The following EXT1 variants were observed in gnomAD, a reference collection of about 807,000 sequenced individuals.
The protein encoded by EXT1 is exostosin glycosyltransferase 1.
EXT1 carries 20 observed loss-of-function variants against 82.5 expected under a neutral mutation model. The observed-to-expected ratio is 0.24, with a 90% confidence interval of 0.17 to 0.35. EXT1 has a LOEUF of 0.35. Ranked by LOEUF, EXT1 falls within the 10% of genes least tolerant of loss-of-function variation. The pLI is 1.00. For missense variants in EXT1, 757 were observed against 936.5 expected, an observed-to-expected ratio of 0.81 and a Z score of 2.50; for synonymous variants, 348 against 350.8, an observed-to-expected ratio of 0.99 and a Z score of 0.09.
intron 1 of EXT1, among the ~76,000 whole-genome samples, chr8:117,863,160 C>T (rs987600319): frequency 6.9e-6 from 1 of 145,578 alleles, no homozygotes; most frequent in Non-Finnish European, 1.5e-5. Context: ...CTTATATAAC[C>T]TTCACTTATT....
chr8:117,868,830 A>T (rs1812818595), intron 1 of EXT1, among the ~76,000 whole-genome samples: 1 of 152,106 alleles, frequency 6.6e-6, no homozygotes, highest in Non-Finnish European at 1.5e-5. Flanking sequence ...TTACTATGAA[A>T]ATATGTCACG....
At chr8:117,847,725 C>A (rs10111990) in intron 1 of EXT1, among the ~76,000 whole-genome samples, 14,204 of 152,190 alleles carry the variant, frequency 0.093, 920 homozygotes, top group African/African-American at 0.18. Flanking sequence ...ATATCCTTTC[C>A]AGCAAGGCCA....
At chr8:117,839,760 A>G (rs1172305842) in intron 1 of EXT1, among the ~76,000 whole-genome samples, 1 of 152,238 alleles carries the variant, frequency 6.6e-6, no homozygotes, top group Non-Finnish European at 1.5e-5. Flanking sequence ...GCTCTTTCAC[A>G]CTGCACATCA....
chr8:117,870,099 T>TA (rs1029620600), intron 1 of EXT1, among the ~76,000 whole-genome samples: 21 of 150,234 alleles, frequency 1.4e-4, no homozygotes, highest in African/African-American at 4.1e-4. Context: ...CTCCTTACTT[T>TA]AAAAAAAAAA....
In EXT1 at chr8:118,111,341, A is replaced by C; in HGVS notation, c.-295T>G. 1.7e-6 allele frequency: 1 copy of C among 595,624 alleles called. No homozygotes were observed. The highest frequency in any genetic ancestry group is 3.0e-6 in the Non-Finnish European group (1 of 335,672). 36.9% of individuals were successfully genotyped at this position (595,624 alleles called of 1,614,324 possible). On this transcript the variant is annotated 5_prime_UTR_variant, in exon 1 of 11. An upstream start codon of the reference 5' UTR is lost. Transcript: ENST00000378204. ...GAGCAGCGGACTGTAATTTTCTTGC[A>C]TGCAACAAGACGGAGGAAAAGAAAG...
intron 1 of EXT1, among the ~76,000 whole-genome samples, chr8:118,014,321 T>C (rs1470259720): frequency 6.6e-6 from 1 of 152,236 alleles, no homozygotes; most frequent in South Asian, 2.1e-4. Flanking sequence ...GTCTGCAAAA[T>C]ATCCCCTTTA....
chr8:117,938,092 G>T (rs1814201838), intron 1 of EXT1, among the ~76,000 whole-genome samples: 2 of 152,174 alleles, frequency 1.3e-5, no homozygotes, highest in South Asian at 4.1e-4. Context: ...TTCCTCTACA[G>T]AGATCCAGAA....
chr8:117,844,359 C>A (rs867994717), intron 1 of EXT1, among the ~76,000 whole-genome samples: 1 of 151,610 alleles, frequency 6.6e-6, no homozygotes, highest in Non-Finnish European at 1.5e-5. Flanking sequence ...CACTTTGTTG[C>A]CCAGGCTGGT....
chr8:117,871,174 T>C (rs898381782), intron 1 of EXT1, among the ~76,000 whole-genome samples: 1 of 152,230 alleles, frequency 6.6e-6, no homozygotes, highest in Non-Finnish European at 1.5e-5. Context: ...TATTCTCCCA[T>C]GGTTTTCTGA....
intron 9 of EXT1, among the ~76,000 whole-genome samples, chr8:117,805,293 T>C (rs1823220505): frequency 6.6e-6 from 1 of 152,238 alleles, no homozygotes; most frequent in African/African-American, 2.4e-5. Flanking sequence ...ACATGATCTA[T>C]ATATTATAAA....
rs182453461 is a variant in EXT1 at position 118,007,864 on chromosome 8, A to G, written c.962+102221T>C. Among the ~76,000 whole-genome samples, 147 of 152,324 alleles carry G rather than the reference A, an allele frequency of 9.7e-4. 1 individual carries two copies. In the East Asian group the frequency reaches 0.014, roughly 15 times the overall value. Reference sequence around the variant, plus strand: ...TGACAGAGGACAATTTTGCCCTATAATTTCTAGAACATTACCCAAGGGACT... The same window carrying G: ...TGACAGAGGACAATTTTGCCCTATAGTTTCTAGAACATTACCCAAGGGACT... On this transcript the variant is annotated intron_variant, in intron 1 of 10. Coordinates refer to ENST00000378204, the MANE Select transcript of EXT1 (RefSeq NM_000127.3).
At chr8:117,871,699 G>A (rs762785214) in intron 1 of EXT1, among the ~76,000 whole-genome samples, 2 of 152,182 alleles carry the variant, frequency 1.3e-5, no homozygotes, top group Admixed American at 6.5e-5. Flanking sequence ...GTGTGCTTCA[G>A]TAAGGTACTG....
intron 1 of EXT1, among the ~76,000 whole-genome samples, chr8:117,967,359 A>G (rs1041543310): frequency 6.6e-6 from 1 of 152,140 alleles, no homozygotes; most frequent in African/African-American, 2.4e-5. Context: ...TACCTTTATT[A>G]TGTCTTTATT....
chr8:117,986,943 A>G (rs1372747052), intron 1 of EXT1, among the ~76,000 whole-genome samples: 1 of 152,240 alleles, frequency 6.6e-6, no homozygotes, highest in Non-Finnish European at 1.5e-5. Flanking sequence ...ATGCAAACCA[A>G]ACTAGTTTCA....
At chr8:117,972,995 A>G (rs779359551) in intron 1 of EXT1, among the ~76,000 whole-genome samples, 3 of 152,228 alleles carry the variant, frequency 2.0e-5, no homozygotes, top group African/African-American at 4.8e-5. Context: ...ATGTTTCACT[A>G]GAAACCAAAG....
At chr8:117,808,634 C>T (rs971924204) in intron 8 of EXT1, among the ~76,000 whole-genome samples, 2 of 152,134 alleles carry the variant, frequency 1.3e-5, no homozygotes, top group Non-Finnish European at 2.9e-5. Context: ...TATTTTGAGT[C>T]CTGGCACTGT....
intron 3 of EXT1, among the ~76,000 whole-genome samples, chr8:117,834,123 T>C (rs17439868): frequency 0.046 from 7,033 of 152,302 alleles, 188 homozygotes; most frequent in East Asian, 0.12. Flanking sequence ...TCTGAGATAA[T>C]AGGGACTATG....
intron 7 of EXT1, among the ~76,000 whole-genome samples, 179 bp from the exon 8 acceptor site, chr8:117,813,140 T>C (rs570659791): frequency 1.3e-5 from 2 of 152,318 alleles, no homozygotes; most frequent in African/African-American, 4.8e-5. Flanking sequence ...TGTTCAACAA[T>C]TATTGGGCAC....
At chr8:118,089,974 T>C (rs72675810) in intron 1 of EXT1, among the ~76,000 whole-genome samples, 3,397 of 152,332 alleles carry the variant, frequency 0.022, 67 homozygotes, top group Middle Eastern at 0.088. Flanking sequence ...GCAAGGCTTT[T>C]GTAAACAGCC....
Sources: gnomAD v4.1 joint callset for allele counts (sites outside exome capture counted in the v4.1 genomes callset) on GRCh38, gnomAD v4.1.1 for gene constraint, MANE v1.5 for transcripts, NCBI Gene and HGNC (gene_info 2026-07-23, HGNC 2026-07-21) for gene names.